The following CLVS1 variants were observed in gnomAD, a reference collection of about 807,000 sequenced individuals.
CLVS1 encodes clavesin-1.
In CLVS1, 10 loss-of-function variants were observed where a neutral mutation model predicts 33.1. That is an observed-to-expected ratio of 0.30 (90% CI 0.19 to 0.51). The LOEUF is 0.51. Among genes scored for constraint, CLVS1 ranks in the 20% least tolerant of loss-of-function variants. The pLI is 0.97. For synonymous variants in CLVS1, 163 were observed against 166.1 expected, an observed-to-expected ratio of 0.98 and a Z score of 0.14; for missense variants, 343 against 433.4, an observed-to-expected ratio of 0.79 and a Z score of 1.85.
chr8:61,455,749 C>T (rs959581874), intron 4 of CLVS1, among the ~76,000 whole-genome samples: 12 of 152,094 alleles, frequency 7.9e-5, no homozygotes, highest in Non-Finnish European at 1.8e-4. Context: ...TTTCCTGACA[C>T]CCAGGGTGCC....
intron 3 of CLVS1, among the ~76,000 whole-genome samples, chr8:61,432,160 C>A (rs1416850850): frequency 1.3e-5 from 2 of 152,168 alleles, no homozygotes; most frequent in African/African-American, 4.8e-5. Flanking sequence ...ATGAGACAAC[C>A]AAATTCGAAT....
chr8:60,977,342 A>C, the CLVS1 span, among the ~76,000 whole-genome samples: 2 of 152,264 alleles, frequency 1.3e-5, no homozygotes, highest in Non-Finnish European at 2.9e-5. Context: ...GACAGAAATC[A>C]TCCCTGAGGA....
At chr8:61,338,492 C>T (rs1228723743) in intron 2 of CLVS1, among the ~76,000 whole-genome samples, 1 of 152,122 alleles carries the variant, frequency 6.6e-6, no homozygotes, top group Non-Finnish European at 1.5e-5. Context: ...TAATAAATTC[C>T]CAGGTGATGC....
intron 5 of CLVS1, among the ~76,000 whole-genome samples, chr8:61,476,775 T>A (rs978485438): frequency 6.6e-6 from 1 of 152,154 alleles, no homozygotes; most frequent in Non-Finnish European, 1.5e-5. Flanking sequence ...TTTTCCTAAT[T>A]GAATACCCTT....
At chr8:61,090,156 G>A (rs961108950) in intron 1 of CLVS1, among the ~76,000 whole-genome samples, 1 of 152,288 alleles carries the variant, frequency 6.6e-6, no homozygotes, top group South Asian at 2.1e-4. Context: ...ATATATCACA[G>A]TTGAAAGATC....
chr8:61,304,273 C>T (rs1225659488), intron 2 of CLVS1, among the ~76,000 whole-genome samples: 1 of 152,240 alleles, frequency 6.6e-6, no homozygotes, highest in South Asian at 2.1e-4. Context: ...GAACAGTGAG[C>T]AATGGGAAAC....
At chr8:61,451,053 C>A (rs1475743814) in intron 3 of CLVS1, among the ~76,000 whole-genome samples, 1 of 151,924 alleles carries the variant, frequency 6.6e-6, no homozygotes, top group Non-Finnish European at 1.5e-5. Context: ...TGGCTGCAGG[C>A]AAATCAAGCA....
At chr8:61,410,599 C>T (rs1815182176) in intron 3 of CLVS1, among the ~76,000 whole-genome samples, 1 of 152,112 alleles carries the variant, frequency 6.6e-6, no homozygotes, top group African/African-American at 2.4e-5. Context: ...CCGCCCCACT[C>T]TCCACTCCAT....
the CLVS1 span, among the ~76,000 whole-genome samples, chr8:61,030,181 T>C: frequency 6.6e-6 from 1 of 152,068 alleles, no homozygotes; most frequent in Middle Eastern, 3.2e-3. Context: ...GAACACTCAA[T>C]AGAAGTAGGA....
intron 3 of CLVS1, among the ~76,000 whole-genome samples, chr8:61,387,635 A>G (rs1373697925): frequency 1.3e-5 from 2 of 152,000 alleles, no homozygotes; most frequent in East Asian, 3.9e-4. Context: ...ACCCCCTCCT[A>G]AACTTCCCTC....
intron 2 of CLVS1, among the ~76,000 whole-genome samples, chr8:61,231,109 C>T (rs1808423786): frequency 6.6e-6 from 1 of 152,102 alleles, no homozygotes; most frequent in East Asian, 1.9e-4. Flanking sequence ...ACAATGTTGT[C>T]TATTTGGGGA....
At chr8:61,492,598 A>G (rs774258687) in intron 5 of CLVS1, among the ~76,000 whole-genome samples, 36 of 152,196 alleles carry the variant, frequency 2.4e-4, no homozygotes, top group Non-Finnish European at 4.1e-4. Context: ...GAAATACATG[A>G]TACATGAGTT....
chr8:61,430,325 G>A (rs1383671650), intron 3 of CLVS1, among the ~76,000 whole-genome samples: 1 of 152,150 alleles, frequency 6.6e-6, no homozygotes, highest in Admixed American at 6.5e-5. Flanking sequence ...GATTTAGCAA[G>A]CATTTTCTTT....
At chr8:61,063,788 C>T (rs970890105) in intron 1 of CLVS1, among the ~76,000 whole-genome samples, 1 of 152,160 alleles carries the variant, frequency 6.6e-6, no homozygotes, top group Non-Finnish European at 1.5e-5. Flanking sequence ...GGCATTAGTT[C>T]TATTTACAAT....
At position 61,174,142 on chromosome 8, in the gene CLVS1, C is replaced by CA. The variant is rs562819842; in HGVS notation, c.-152+42288dup. ...GAGCTCAAGAATATTTAGAATGAAA[C>CA]AAAAAATATCACTCAACATGGTAAT... is the stretch of plus-strand genomic sequence containing the variant. On this transcript the variant is annotated intron_variant, in intron 2 of 2. Coordinates refer to the CLVS1 transcript ENST00000522621. Among the ~76,000 whole-genome samples, 12 of 152,118 alleles carry CA rather than the reference C, an allele frequency of 7.9e-5. No homozygotes were observed. In the East Asian group the frequency reaches 2.3e-3, roughly 29 times the overall value.
chr8:61,443,164 G>A (rs559369207), intron 3 of CLVS1, among the ~76,000 whole-genome samples: 57 of 152,166 alleles, frequency 3.7e-4, no homozygotes, highest in African/African-American at 2.6e-4. Flanking sequence ...TTGCAAATAC[G>A]TTATCTCAGT....
the CLVS1 span, among the ~76,000 whole-genome samples, chr8:60,994,743 T>C: frequency 2.0e-5 from 3 of 152,202 alleles, no homozygotes; most frequent in Non-Finnish European, 4.4e-5. Context: ...TTTTTCCAAT[T>C]CTGAGAAGAA....
chr8:61,322,654 C>T (rs1811238457), intron 2 of CLVS1, among the ~76,000 whole-genome samples: 1 of 152,086 alleles, frequency 6.6e-6, no homozygotes, highest in Non-Finnish European at 1.5e-5. Flanking sequence ...AAAGATAGGG[C>T]AGCTCTTACT....
chr8:61,320,953 T>C (rs1811173524), intron 2 of CLVS1, among the ~76,000 whole-genome samples: 1 of 152,210 alleles, frequency 6.6e-6, no homozygotes, highest in Admixed American at 6.5e-5. Context: ...TCATTTGTTT[T>C]CTATTAACTT....
Sources: allele counts gnomAD v4.1 joint callset (sites outside exome capture counted in the v4.1 genomes callset), GRCh38; gene constraint gnomAD v4.1.1; transcripts MANE v1.5; gene names NCBI Gene and HGNC (gene_info 2026-07-23, HGNC 2026-07-21).